TMEM239: variants seen among roughly 807,000 people sequenced by gnomAD.
TMEM239 encodes the protein transmembrane protein 239.
A neutral mutation model predicts 14.6 loss-of-function variants in TMEM239; 10 were observed. That is an observed-to-expected ratio of 0.68 (90% CI 0.42 to 1.16). The LOEUF (loss-of-function observed/expected upper bound fraction) is 1.16, where lower values mean the gene tolerates loss of function less well. Ranked by LOEUF, TMEM239 falls within the 50% of genes most tolerant of loss-of-function variation. The pLI, the probability that TMEM239 is intolerant of heterozygous loss-of-function variation, is 0.00. For synonymous variants in TMEM239, 94 were observed against 89.9 expected, an observed-to-expected ratio of 1.05 and a Z score of -0.26; for missense variants, 183 against 194.4, an observed-to-expected ratio of 0.94 and a Z score of 0.35.
upstream of TMEM239, chr20:2,815,816 G>T: frequency 3.3e-6 from 5 of 1,528,684 alleles, no homozygotes; most frequent in South Asian, 5.7e-5. Flanking sequence ...AATATACAAT[G>T]ACCACCCTTC....
Position 2,816,867 on chromosome 20 carries a change from C to T in TMEM239, c.313C>T (p.Pro105Ser), listed in dbSNP as rs1269216350. Residue 105 changes from proline to serine, a missense_variant, in exon 2 of 2, where the codon CCG (proline) becomes TCG (serine). Transcript: ENST00000380585. ...VVAAVWRHLLPALLLLVLSAL... is the reference protein window; with the variant it reads ...VVAAVWRHLLSALLLLVLSAL... ...GGCCGCGGTGTGGCGCCACCTGCTA[C>T]CGGCTCTCCTGCTGCTGGTGCTCAG... 1 of 1,545,884 alleles carries T rather than the reference C, an allele frequency of 6.5e-7. No individual in the cohort carries two copies.
upstream of TMEM239, chr20:2,816,260 C>T: frequency 7.3e-7 from 1 of 1,367,120 alleles, no homozygotes; most frequent in Non-Finnish European, 1.0e-6. Context: ...TCACACCCTA[C>T]AGTGACTCCT....
Position 2,817,422 on chromosome 20 carries a change from GCC to G in TMEM239, c.*410_*411del. On this transcript the variant is annotated 3_prime_UTR_variant, in exon 2 of 2. Transcript: ENST00000380585. The stretch of plus-strand genomic sequence containing the variant: ...GAGAACTTCTACCTGGGTACCACTG[GCC>G]TTGCCATTCCTCCCACCAATCCCCT... 1 of 313,714 alleles carries G rather than the reference GCC, an allele frequency of 3.2e-6. No individual in the cohort carries two copies. The highest frequency in any genetic ancestry group is 4.5e-5 in the Admixed American group (1 of 22,092). 19.4% of individuals were successfully genotyped at this position (313,714 alleles called of 1,614,324 possible). A position where few individuals can be genotyped will look rare whatever the true frequency, so the allele number is the denominator to read the frequency against.
chr20:2,817,269 C>G lies in TMEM239; in HGVS notation c.*256C>G. ...TTAGCCATTGGTGAAAATTGCTTAG[C>G]CAGGGGCAGAGCTTGACCAAGCCAC... is the stretch of plus-strand genomic sequence containing the variant. On this transcript the variant is annotated 3_prime_UTR_variant, in exon 2 of 2. Transcript: ENST00000380585. 5.0e-6 allele frequency: 3 copies of G among 602,190 alleles called. No individual in the cohort carries two copies. Among genetic ancestry groups the G allele is most frequent in the Non-Finnish European group, 5.8e-6 (2 of 344,028 alleles). The allele number at this position is 602,190 out of a possible 1,614,324, so 37.3% of individuals were successfully genotyped here.
chr20:2,819,347 G>T (rs2088704759), downstream of TMEM239: 1 of 152,198 alleles, frequency 6.6e-6, no homozygotes, highest in East Asian at 1.9e-4. Context: ...TGCCCAGCTG[G>T]TATGGGGTAA....
At chr20:2,816,243 G>A, upstream of TMEM239, 1 of 1,137,164 alleles carries the variant, frequency 8.8e-7, no homozygotes, top group Non-Finnish European at 1.3e-6. Context: ...AGGGACTTGG[G>A]TGGGCCTCAC....
At position 2,817,354 on chromosome 20, in the gene TMEM239, C is replaced by CT; in HGVS notation, c.*346dup. 6.1e-6 allele frequency: 3 copies of CT among 491,672 alleles called. No homozygotes were observed. In the South Asian group the frequency reaches 1.1e-4, roughly 18 times the overall value. 30.5% of individuals were successfully genotyped at this position (491,672 alleles called of 1,614,324 possible). A position where few individuals can be genotyped will look rare whatever the true frequency, so the allele number is the denominator to read the frequency against. On this transcript the variant is annotated 3_prime_UTR_variant, in exon 2 of 2. Coordinates refer to ENST00000380585, the MANE Select transcript of TMEM239 (RefSeq NM_001167670.3). Reference sequence around the variant, plus strand: ...GGGCCCCCTTGGCAACTGACAGCATCTTTTTCTCATAGCCACTCAGCTGTC... The same window carrying CT: ...GGGCCCCCTTGGCAACTGACAGCATCTTTTTTCTCATAGCCACTCAGCTGTC...
In TMEM239 at chr20:2,817,023, C is replaced by A. The variant is rs2088684515; in HGVS notation, c.*10C>A. 1.3e-6 allele frequency: 2 copies of A among 1,537,688 alleles called. No homozygotes were observed. Among genetic ancestry groups the A allele is most frequent in the African/African-American group, 2.7e-5 (2 of 73,044 alleles). On this transcript the variant is annotated 3_prime_UTR_variant, in exon 2 of 2. Coordinates refer to ENST00000380585, the MANE Select transcript of TMEM239 (RefSeq NM_001167670.3). ...GGATTTGGATCAATAGAAGGGCAAC[C>A]CCATCCCACTGCCTGTGTCTGTTGA...
In TMEM239 at chr20:2,817,716, C is replaced by A. The variant is rs1289842668; in HGVS notation, c.*703C>A. ...TTATGGAAAAATGATCAAGAAATCC[C>A]ATTTCACCCACTTACACAATGTGTG... On this transcript the variant is annotated 3_prime_UTR_variant, in exon 2 of 2. Transcript: ENST00000380585. 1 of 152,986 alleles carries A rather than the reference C, an allele frequency of 6.5e-6. No homozygotes were observed. Among genetic ancestry groups the A allele is most frequent in the Non-Finnish European group, 1.5e-5 (1 of 68,698 alleles). 9.5% of individuals were successfully genotyped at this position (152,986 alleles called of 1,614,324 possible).
upstream of TMEM239, chr20:2,816,218 G>A (rs1284222935): frequency 2.3e-6 from 2 of 854,996 alleles, no homozygotes; most frequent in Non-Finnish European, 3.6e-6. Flanking sequence ...CTGCCAGCCT[G>A]GAGGGTCCGT....
At chr20:2,816,254 A>C, upstream of TMEM239, 1 of 1,314,070 alleles carries the variant, frequency 7.6e-7, no homozygotes, top group South Asian at 1.3e-5. Flanking sequence ...TGGGCCTCAC[A>C]CCCTACAGTG....
rs1047318935 is a variant in TMEM239, at chr20:2,818,004, C to T, written c.*991C>T. 2.6e-5 allele frequency: 4 copies of T among 152,192 alleles called. No individual in the cohort carries two copies. Among genetic ancestry groups the T allele is most frequent in the Non-Finnish European group, 5.9e-5 (4 of 68,028 alleles). 9.4% of individuals were successfully genotyped at this position (152,192 alleles called of 1,614,324 possible). ...AGAATTTTGGCCCTAAAATGGTAAA[C>T]AAGAGGTCGGTTAAGTGTGTACAAG... On this transcript the variant is annotated 3_prime_UTR_variant, in exon 2 of 2. Coordinates refer to ENST00000380585, the MANE Select transcript of TMEM239 (RefSeq NM_001167670.3).
In TMEM239 at chr20:2,816,390, A is replaced by T. The variant is rs1365176641; in HGVS notation, c.-37A>T. 5 of 1,535,892 alleles carry T rather than the reference A, an allele frequency of 3.3e-6. 1 individual carries two copies. Among genetic ancestry groups the T allele is most frequent in the Non-Finnish European group, 4.4e-6 (5 of 1,146,826 alleles). ...GGCCGTCCTGGGCGCTGCAGGAAGC[A>T]ACATGACTTAGGTAACTGCCCAGAG... On this transcript the variant is annotated 5_prime_UTR_variant, in exon 1 of 2. Transcript: ENST00000380585.
downstream of TMEM239, chr20:2,819,549 C>CTCCAG (rs2088705999): frequency 6.6e-6 from 1 of 152,172 alleles, no homozygotes; most frequent in African/African-American, 2.4e-5. Context: ...TCAGGCCCTG[C>CTCCAG]TCCAGACAGG....
rs566721271 is a variant in TMEM239 at position 2,817,278 on chromosome 20, G to A, written c.*265G>A. 1.4e-3 allele frequency: 819 copies of A among 592,958 alleles called. 1 individual carries two copies. Among genetic ancestry groups the A allele is most frequent in the Middle Eastern group, 5.8e-3 (13 of 2,238 alleles). 36.7% of individuals were successfully genotyped at this position (592,958 alleles called of 1,614,324 possible). A position where few individuals can be genotyped will look rare whatever the true frequency, so the allele number is the denominator to read the frequency against. On this transcript the variant is annotated 3_prime_UTR_variant, in exon 2 of 2. Coordinates refer to ENST00000380585, the MANE Select transcript of TMEM239 (RefSeq NM_001167670.3). ...GGTGAAAATTGCTTAGCCAGGGGCA[G>A]AGCTTGACCAAGCCACTGATAGCGC...
chr20:2,817,441 C>CG lies in TMEM239; in HGVS notation c.*428_*429insG. ...CCACTGGCCTTGCCATTCCTCCCAC[C>CG]AATCCCCTCTTTCCACTTCCAGGAG... On this transcript the variant is annotated 3_prime_UTR_variant, in exon 2 of 2. Transcript: ENST00000380585. 2 of 275,896 alleles carry CG rather than the reference C, an allele frequency of 7.2e-6. No individual in the cohort carries two copies. The highest frequency in any genetic ancestry group is 4.7e-5 in the Admixed American group (1 of 21,074). 17.1% of individuals were successfully genotyped at this position (275,896 alleles called of 1,614,324 possible). A position where few individuals can be genotyped will look rare whatever the true frequency, so the allele number is the denominator to read the frequency against.
In TMEM239 at chr20:2,816,894, G is replaced by A. The variant is rs2088681591; in HGVS notation, c.340G>A (p.Ala114Thr). The A allele has an allele frequency of 3.2e-6, 5 of 1,542,142 alleles. No homozygotes were observed. The change falls in exon 2 of 2, where the codon GCT becomes ACT. Residue 114 changes from alanine to threonine, a missense_variant. Coordinates refer to ENST00000380585, the MANE Select transcript of TMEM239 (RefSeq NM_001167670.3). ...GGCTCTCCTGCTGCTGGTGCTCAGT[G>A]CTCTGCCTGCCCTCCTCTTCACGGC... ...LPALLLLVLS[A>T]LPALLFTASF...
upstream of TMEM239, chr20:2,815,839 C>CCTTT: frequency 7.4e-7 from 1 of 1,358,460 alleles, no homozygotes; most frequent in Non-Finnish European, 1.0e-6. Flanking sequence ...CATCAGGCCC[C>CCTTT]CTTTTCTCCT....
rs1029818769 is a variant in TMEM239, at chr20:2,817,469, C to T, written c.*456C>T. On this transcript the variant is annotated 3_prime_UTR_variant, in exon 2 of 2. Transcript: ENST00000380585. ...TCCCCTCTTTCCACTTCCAGGAGAA[C>T]CACAGACTCTAGAGAGGGTCCCAGT... is the stretch of plus-strand genomic sequence containing the variant. 4.3e-5 allele frequency: 10 copies of T among 230,742 alleles called. No homozygotes were observed. The highest frequency in any genetic ancestry group is 1.8e-4 in the African/African-American group (8 of 44,530). The allele number at this position is 230,742 out of a possible 1,614,324, so 14.3% of individuals were successfully genotyped here.
Sources: allele counts gnomAD v4.1 joint callset, GRCh38; gene constraint gnomAD v4.1.1; transcripts MANE v1.5; gene names NCBI Gene and HGNC (gene_info 2026-07-23, HGNC 2026-07-21).